Variants in EML4 observed in about 807,000 individuals in gnomAD.
EML4 encodes echinoderm microtubule-associated protein-like 4.
A neutral mutation model predicts 129.0 loss-of-function variants in EML4; 72 were observed. That is an observed-to-expected ratio of 0.56 (90% CI 0.46 to 0.68). The LOEUF is 0.68. Ranked by LOEUF, EML4 falls within the 30% of genes least tolerant of loss-of-function variation. The pLI is 0.00. For missense variants in EML4, 1,363 were observed against 1,190.6 expected (o/e 1.14, Z -2.13); for synonymous variants, 532 against 405.0 (o/e 1.31, Z -3.77).
chr2:42,275,871 T>C (rs1304102932), intron 6 of EML4, among the ~76,000 whole-genome samples: 1 of 152,186 alleles, frequency 6.6e-6, no homozygotes, highest in Non-Finnish European at 1.5e-5. Context: ...TCACTTTCCT[T>C]TTCTGGACCA....
chr2:42,267,824 C>G (rs1174258065), intron 6 of EML4, among the ~76,000 whole-genome samples: 3 of 152,172 alleles, frequency 2.0e-5, no homozygotes, highest in Admixed American at 6.5e-5. Flanking sequence ...TCCCCTAGTT[C>G]TGCTGGGTTG....
rs755527514 is a variant in EML4 at position 42,330,007 on chromosome 2, A to G, written c.2746A>G (p.Ile916Val). ...TGAGACAGCTGAAGAGGAAAGTAGA[A>G]TAAGCAGTTCTCCCACACTTCTGGA... ...LNETAEEESR[I>V]SSSPTLLENS... Residue 916 changes from isoleucine (I) to valine (V), a missense_variant, in exon 23 of 23, where the codon ATA becomes GTA. Transcript: ENST00000318522. 2 of 1,613,952 alleles carry G rather than the reference A, an allele frequency of 1.2e-6. No individual in the cohort carries two copies. The highest frequency in any genetic ancestry group is 2.2e-5 in the East Asian group (1 of 44,884).
At chr2:42,233,305 C>CTTT (rs1193200087) in intron 1 of EML4, among the ~76,000 whole-genome samples, 32 of 146,746 alleles carry the variant, frequency 2.2e-4, no homozygotes, top group African/African-American at 7.7e-4. Context: ...TTACAGGTTT[C>CTTT]TTTCTTTTTT....
At chr2:42,310,696 A>C (rs892985121) in intron 17 of EML4, among the ~76,000 whole-genome samples, 10 of 152,238 alleles carry the variant, frequency 6.6e-5, no homozygotes, top group African/African-American at 2.4e-4. Context: ...GAATACAATG[A>C]AATAGTAAAA....
chr2:42,283,975 T>G (rs905176353), intron 8 of EML4, among the ~76,000 whole-genome samples: 2 of 152,220 alleles, frequency 1.3e-5, no homozygotes, highest in Admixed American at 1.3e-4. Context: ...AGTCTAGATA[T>G]GGACATAAAG....
intron 9 of EML4, chr2:42,286,063 T>C: frequency 1.6e-6 from 1 of 617,332 alleles, no homozygotes; most frequent in Admixed American, 2.8e-5. Flanking sequence ...ACATAGTAAA[T>C]ACACAAGTTA....
At position 42,284,722 on chromosome 2, in the gene EML4, T is replaced by A. The variant is rs199970584; in HGVS notation, c.1011+19T>A. 6 of 1,590,196 alleles carry A rather than the reference T, an allele frequency of 3.8e-6. No individual in the cohort carries two copies. In the South Asian group the frequency reaches 6.7e-5, roughly 18 times the overall value. On this transcript the variant is annotated intron_variant, in intron 9 of 22. Transcript: ENST00000318522. ...TGGAAGGGTGAGTGGCATAGTGTTA[T>A]GCCTTCTGTACCTAGAGACATTGCT... is the stretch of plus-strand genomic sequence containing the variant.
chr2:42,241,644 G>A (rs1362426790), intron 1 of EML4, among the ~76,000 whole-genome samples: 1 of 152,152 alleles, frequency 6.6e-6, no homozygotes, highest in East Asian at 1.9e-4. Context: ...AAATCACTCA[G>A]TAGTTTAAGC....
At chr2:42,217,651 G>A (rs796885571) in intron 1 of EML4, among the ~76,000 whole-genome samples, 50 of 152,212 alleles carry the variant, frequency 3.3e-4, no homozygotes, top group African/African-American at 1.2e-3. Context: ...ATATGCTTCT[G>A]GACTACATTT....
intron 3 of EML4, among the ~76,000 whole-genome samples, chr2:42,260,171 A>ATTTG (rs1312016898): frequency 6.8e-6 from 1 of 147,768 alleles, no homozygotes; most frequent in Non-Finnish European, 1.5e-5. Context: ...GGGCTCTGTG[A>ATTTG]TTTGTTTGTT....
In EML4 at chr2:42,330,615, A is replaced by G. The variant is rs920713973; in HGVS notation, c.*408A>G. 7 of 283,932 alleles carry G rather than the reference A, an allele frequency of 2.5e-5. No individual in the cohort carries two copies. In the Admixed American group the frequency reaches 2.8e-4, roughly 12 times the overall value. The allele number at this position is 283,932 out of a possible 1,614,324, so 17.6% of individuals were successfully genotyped here. ...TTACTCATCTACTGGCTCAGACTGT[A>G]CTACTTTTTTTTTTTTTTTTCCTGA... On this transcript the variant is annotated 3_prime_UTR_variant, in exon 23 of 23. Coordinates refer to ENST00000318522, the MANE Select transcript of EML4 (RefSeq NM_019063.5).
In EML4 at chr2:42,192,651, A is replaced by G. The variant is rs143194510; in HGVS notation, c.25+23015A>G. 9.2e-3 allele frequency among the ~76,000 whole-genome samples: 1,401 copies of G among 152,270 alleles called. 5 individuals carry two copies. The highest frequency in any genetic ancestry group is 0.015 in the Non-Finnish European group (1,041 of 68,016). On this transcript the variant is annotated intron_variant, in intron 1 of 22. Transcript: ENST00000318522. ...TCTTGCCTCTTTGATTGCAATATGA[A>G]GAGTTAGATGAGAAATAGGTGAGCA...
rs1199747858 is a variant in EML4, at chr2:42,328,974, T to C, written c.2430T>C (p.Phe810=). The change falls in exon 22 of 23, where the codon TTT becomes TTC. Residue 810 remains phenylalanine, a synonymous_variant. Transcript: ENST00000318522. ...NRKVIAVADD[F]CKVHLFQYPC... ...AGGTGATAGCTGTTGCCGATGACTT[T>C]TGTAAAGTCCATCTGTTTCAGTATC... The C allele has an allele frequency of 1.2e-6, 2 of 1,613,290 alleles. No homozygotes were observed. Among genetic ancestry groups the C allele is most frequent in the Admixed American group, 3.3e-5 (2 of 59,996 alleles).
intron 1 of EML4, among the ~76,000 whole-genome samples, chr2:42,181,210 T>C (rs1670918068): frequency 1.3e-5 from 2 of 152,248 alleles, no homozygotes; most frequent in Non-Finnish European, 2.9e-5. Context: ...AAAATGTGCT[T>C]TGAAACTATG....
chr2:42,298,660 G>C (rs1340348974), intron 13 of EML4, among the ~76,000 whole-genome samples: 1 of 152,116 alleles, frequency 6.6e-6, no homozygotes, highest in African/African-American at 2.4e-5. Flanking sequence ...TCACTATATA[G>C]AGTATTTTTA....
chr2:42,182,277 T>G (rs1670991477), intron 1 of EML4, among the ~76,000 whole-genome samples: 1 of 151,784 alleles, frequency 6.6e-6, no homozygotes, highest in Non-Finnish European at 1.5e-5. Context: ...CATCTAGCAT[T>G]AGGTATATCT....
intron 2 of EML4, among the ~76,000 whole-genome samples, chr2:42,249,074 A>C (rs929726501): frequency 6.6e-6 from 1 of 152,188 alleles, no homozygotes; most frequent in African/African-American, 2.4e-5. Context: ...CACTATTGAC[A>C]TTTGTGTACA....
Position 42,315,974 on chromosome 2 carries a change from G to C in EML4, c.1980G>C (p.Leu660=). ...TACTTCTTAACAGGTGGTTTGTTCT[G>C]GATGCAGAAACCAGAGATCTAGTTT... is the stretch of plus-strand genomic sequence containing the variant. The part of the protein sequence containing the change: ...IGTHSGRWFV[L]DAETRDLVSI... The change falls in exon 18 of 23, where the codon CTG becomes CTC. Residue 660 remains leucine (L), a synonymous_variant. Transcript: ENST00000318522. 2 of 1,612,270 alleles carry C rather than the reference G, an allele frequency of 1.2e-6. No homozygotes were observed. The highest frequency in any genetic ancestry group is 1.7e-6 in the Non-Finnish European group (2 of 1,178,828).
chr2:42,183,323 TAATTA>T (rs1671055525), intron 1 of EML4, among the ~76,000 whole-genome samples: 2 of 152,232 alleles, frequency 1.3e-5, no homozygotes, highest in African/African-American at 4.8e-5. Flanking sequence ...TAAAGAGTTT[TAATTA>T]AATTATTCAC....
Sources: allele counts gnomAD v4.1 joint callset (sites outside exome capture counted in the v4.1 genomes callset), GRCh38; gene constraint gnomAD v4.1.1; transcripts MANE v1.5; gene names NCBI Gene and HGNC (gene_info 2026-07-23, HGNC 2026-07-21).